Variants in ARHGAP8 observed in about 807,000 individuals in gnomAD.
ARHGAP8 encodes Rho GTPase activating protein 8, also known as rho GTPase-activating protein 8.
A neutral mutation model predicts 46.1 loss-of-function variants in ARHGAP8; 62 were observed. The observed-to-expected ratio is 1.34, with a 90% CI of 1.10 to 1.66. The LOEUF (loss-of-function observed/expected upper bound fraction) is 1.66. Among genes scored for constraint, ARHGAP8 ranks in the 40% most tolerant of loss-of-function variants. The probability of loss-of-function intolerance (pLI) is 0.00; values close to 1 mark genes in which losing one functional copy is unlikely to be tolerated. For synonymous variants in ARHGAP8, 375 were observed against 243.1 expected (o/e 1.54, Z -5.05); for missense variants, 923 against 568.4 (o/e 1.62, Z -6.34).
intron 1 of ARHGAP8, among the ~76,000 whole-genome samples, chr22:44,760,374 A>G (rs1172217055): frequency 1.3e-5 from 2 of 152,050 alleles, no homozygotes; most frequent in Non-Finnish European, 2.9e-5. Context: ...TCATTCCTGG[A>G]CTTTCCCAGG....
In ARHGAP8 at chr22:44,829,255, C is replaced by T. The variant is rs1930764794; in HGVS notation, c.596+3662C>T. Among the ~76,000 whole-genome samples the T allele has an allele frequency of 4.0e-5, 6 of 150,646 alleles. No individual in the cohort carries two copies. In the South Asian group the frequency reaches 1.3e-3, roughly 32 times the overall value. ...TCAGTGAGCCGAGATTTTGCCACTG[C>T]ACTCCAGCCCAGGAGACAGAGCGAG... On this transcript the variant is annotated intron_variant, in intron 7 of 11. Coordinates refer to ENST00000356099, the MANE Select transcript of ARHGAP8 (RefSeq NM_181335.3).
intron 8 of ARHGAP8, among the ~76,000 whole-genome samples, chr22:44,846,214 C>G (rs192947618): frequency 2.8e-4 from 43 of 152,346 alleles, no homozygotes; most frequent in Non-Finnish European, 4.1e-4. Context: ...TCTCACATTT[C>G]CATCTGGCGG....
intron 1 of ARHGAP8, among the ~76,000 whole-genome samples, chr22:44,753,706 G>A (rs908859014): frequency 5.9e-5 from 9 of 152,120 alleles, no homozygotes; most frequent in Admixed American, 2.6e-4. Flanking sequence ...GAAGGCCCCG[G>A]AGAAGGAACC....
chr22:44,845,115 T>C (rs961741219), intron 7 of ARHGAP8, among the ~76,000 whole-genome samples, 154 bp from the exon 8 acceptor site: 1 of 152,218 alleles, frequency 6.6e-6, no homozygotes, highest in African/African-American at 2.4e-5. Flanking sequence ...CTTCAGACTT[T>C]CTACTTCCTG....
Position 44,859,432 on chromosome 22 carries a change from TC to T in ARHGAP8, c.878-297del, listed in dbSNP as rs577790621. Among the ~76,000 whole-genome samples, 330 of 152,328 alleles carry T rather than the reference TC, an allele frequency of 2.2e-3. 2 individuals carry two copies. Among genetic ancestry groups the T allele is most frequent in the African/African-American group, 7.6e-3 (317 of 41,572 alleles). ...TTGCCTTCTGCCATAATTGGAAGCC[TC>T]CTGAGGCTTCTCCAGAAGCTGAACA... On this transcript the variant is annotated intron_variant, in intron 10 of 11. Transcript: ENST00000356099.
intron 10 of ARHGAP8, 175 bp downstream of exon 10, chr22:44,849,235 C>A: frequency 8.2e-7 from 1 of 1,220,690 alleles, no homozygotes; most frequent in Non-Finnish European, 1.1e-6. Flanking sequence ...CCCCACCATG[C>A]ACAGCCAGTC....
chr22:44,791,535 A>C (rs4823255), intron 2 of ARHGAP8, among the ~76,000 whole-genome samples: 3 of 151,756 alleles, frequency 2.0e-5, no homozygotes, highest in Admixed American at 2.0e-4. Flanking sequence ...GAAACCCCGT[A>C]TGTACTAAAA....
At chr22:44,807,402 G>A (rs535230788) in intron 3 of ARHGAP8, among the ~76,000 whole-genome samples, 2 of 150,832 alleles carry the variant, frequency 1.3e-5, no homozygotes, top group Admixed American at 6.6e-5. Context: ...TACACCATAG[G>A]GGGTGGCGGG....
Position 44,845,336 on chromosome 22 carries a change from G to T in ARHGAP8, c.664G>T (p.Glu222Ter), listed in dbSNP as rs201724810. ...VLRFTVTYLR[E>*]KGLRTEGLFR... is the part of the protein sequence containing the mutation. ...GAGGTTCACAGTGACGTACCTGAGA[G>T]AGAAAGGTGAGACGGGGCCGGCTCC... The change falls in exon 8 of 12, where the codon GAG becomes TAG. Residue 222 changes from glutamate to a stop codon, truncating the protein, a stop_gained. Coordinates refer to ENST00000356099, the MANE Select transcript of ARHGAP8 (RefSeq NM_181335.3). LOFTEE classifies it high-confidence loss of function. The T allele has an allele frequency of 9.4e-5, 151 of 1,614,106 alleles. No homozygotes were observed. The East Asian group carries it at 3.2e-3, about 35-fold the overall frequency.
At position 44,860,987 on chromosome 22, in the gene ARHGAP8, A is replaced by T. The variant is rs547538616; in HGVS notation, c.981+1153A>T. ...CTTGACATAATTTCTCAGAGGCCCA[A>T]AACTAAACTCTCCTAATTCTCTCAA... On this transcript the variant is annotated intron_variant, in intron 11 of 11. Transcript: ENST00000356099. Among the ~76,000 whole-genome samples the T allele has an allele frequency of 2.4e-5, 3 of 127,300 alleles. No homozygotes were observed. The East Asian group carries it at 8.6e-4, about 37-fold the overall frequency. The allele number at this position is 127,300 out of a possible 152,430, so 83.5% of individuals were successfully genotyped here.
At chr22:44,818,352 C>G (rs571307947) in intron 5 of ARHGAP8, among the ~76,000 whole-genome samples, 5 of 150,420 alleles carry the variant, frequency 3.3e-5, no homozygotes, top group Non-Finnish European at 7.4e-5. Context: ...GGGAGGCTGA[C>G]GCAGGAGAAT....
intron 1 of ARHGAP8, among the ~76,000 whole-genome samples, chr22:44,762,115 G>A (rs1207519815): frequency 6.6e-6 from 1 of 152,240 alleles, no homozygotes; most frequent in Admixed American, 6.5e-5. Flanking sequence ...AGGACAGACA[G>A]GAGCTGACCT....
intron 11 of ARHGAP8, 52 bp from the exon 12 acceptor site, chr22:44,862,223 G>A (rs1254638874): frequency 2.0e-6 from 3 of 1,529,936 alleles, no homozygotes; most frequent in East Asian, 2.3e-5. Context: ...AGTTCCAGGT[G>A]CCCGTGCCCC....
At chr22:44,797,721 G>C (rs1439440036) in intron 2 of ARHGAP8, among the ~76,000 whole-genome samples, 2 of 152,224 alleles carry the variant, frequency 1.3e-5, no homozygotes, top group Non-Finnish European at 2.9e-5. Context: ...GGCAGCCAGG[G>C]CGGGGACATC....
At position 44,814,895 on chromosome 22, in the gene ARHGAP8, C is replaced by T. The variant is rs554359120; in HGVS notation, c.386+137C>T. ...CTGTGTATCTGGGGCTCCCTACCCG[C>T]CCTGGGGTCTGCGGGGGGTCACAAG... On this transcript the variant is annotated intron_variant, in intron 5 of 11. Transcript: ENST00000356099. 3 of 1,012,170 alleles carry T rather than the reference C, an allele frequency of 3.0e-6. No homozygotes were observed. The African/African-American group carries it at 4.9e-5, about 16-fold the overall frequency. 62.7% of individuals were successfully genotyped at this position (1,012,170 alleles called of 1,614,324 possible). A position where few individuals can be genotyped will look rare whatever the true frequency, so the allele number is the denominator to read the frequency against.
At chr22:44,796,553 AAT>A (rs1176645322) in intron 2 of ARHGAP8, among the ~76,000 whole-genome samples, 1 of 151,402 alleles carries the variant, frequency 6.6e-6, no homozygotes, top group African/African-American at 2.4e-5. Context: ...TGATCCCATC[AAT>A]CCCACTGAAG....
intron 7 of ARHGAP8, among the ~76,000 whole-genome samples, chr22:44,841,532 G>A (rs755986845): frequency 4.6e-5 from 7 of 152,098 alleles, no homozygotes; most frequent in Admixed American, 2.0e-4. Flanking sequence ...CCTCCTCTGC[G>A]GTACCGGACT....
rs1224128075 is a variant in ARHGAP8 at position 44,848,936 on chromosome 22, GC to G, written c.756del (p.Val253Ter). 6.2e-7 allele frequency: 1 copy of G among 1,614,154 alleles called. No homozygotes were observed. Among genetic ancestry groups the G allele is most frequent in the Admixed American group, 1.7e-5 (1 of 60,026 alleles). On this transcript the variant is annotated frameshift_variant, in exon 10 of 12. Coordinates refer to ENST00000356099, the MANE Select transcript of ARHGAP8 (RefSeq NM_181335.3). LOFTEE classifies it high-confidence loss of function. ...AGTGCTGTGTTGTGTGTGCAGGGAA[GC>G]CCGTGAACTTTGACGACTACGGGGA... ...EIQRLYNQGK[P>X]VNFDDYGDIH...
chr22:44,859,585 G>A (rs2070363107), intron 10 of ARHGAP8, 146 bp from the exon 11 acceptor site: 4 of 775,670 alleles, frequency 5.2e-6, no homozygotes, highest in Admixed American at 2.4e-5. Flanking sequence ...CATACGGCCA[G>A]AAGATAAGTG....
Sources: allele counts gnomAD v4.1 joint callset (sites outside exome capture counted in the v4.1 genomes callset), GRCh38; gene constraint gnomAD v4.1.1; transcripts MANE v1.5; gene names NCBI Gene and HGNC (gene_info 2026-07-23, HGNC 2026-07-21).